MRE11: variants seen among roughly 807,000 people sequenced by gnomAD.
MRE11 encodes double-strand break repair protein MRE11.
Under a neutral mutation model 91.7 loss-of-function variants are expected in MRE11, and 62 were observed. The ratio of observed to expected loss-of-function variants is 0.68; its 90% CI spans 0.55 to 0.84. The LOEUF (loss-of-function observed/expected upper bound fraction) is 0.84. MRE11 is among the 40% of genes least tolerant of loss of function. The pLI is 0.00. For synonymous variants in MRE11, 273 were observed against 271.4 expected (o/e 1.01, Z -0.06); for missense variants, 796 against 852.9 (o/e 0.93, Z 0.83).
At chr11:94,473,013 G>C (rs1946758097) in intron 7 of MRE11, 1 of 152,066 alleles carries the variant, frequency 6.6e-6, no homozygotes, top group Non-Finnish European at 1.5e-5. Flanking sequence ...AGGGTAGTCA[G>C]GAAGACCTCT....
At chr11:94,457,873 CCTCTCT>C (rs71305376) in intron 13 of MRE11, among the ~76,000 whole-genome samples, 1 of 144,328 alleles carries the variant, frequency 6.9e-6, no homozygotes, top group Non-Finnish European at 1.5e-5. Flanking sequence ...TCTCTCTCTC[CCTCTCT>C]CTCTCTCTCA....
At chr11:94,493,046 T>C in intron 1 of MRE11, 140 bp from the exon 2 acceptor site, 1 of 559,960 alleles carries the variant, frequency 1.8e-6, no homozygotes, top group East Asian at 2.8e-5. Flanking sequence ...AAGCACCCAC[T>C]ATACTTTTTT....
intron 5 of MRE11, among the ~76,000 whole-genome samples, chr11:94,479,234 A>G (rs1412898207): frequency 1.3e-5 from 2 of 152,224 alleles, no homozygotes; most frequent in Non-Finnish European, 2.9e-5. Flanking sequence ...TCATAATATT[A>G]ATGACCAGAT....
intron 4 of MRE11, 34 bp downstream of exon 4, chr11:94,485,890 G>A: frequency 6.3e-7 from 1 of 1,598,262 alleles, no homozygotes; most frequent in Non-Finnish European, 8.6e-7. Flanking sequence ...CCATACACAA[G>A]TAATCACTCA....
At chr11:94,433,984 C>T (rs1024253085) in intron 18 of MRE11, among the ~76,000 whole-genome samples, 4 of 152,152 alleles carry the variant, frequency 2.6e-5, no homozygotes, top group South Asian at 4.1e-4. Flanking sequence ...AGATCATTTC[C>T]TTTAATGCAT....
At chr11:94,431,866 T>TA (rs1315788625) in intron 18 of MRE11, among the ~76,000 whole-genome samples, 5 of 152,234 alleles carry the variant, frequency 3.3e-5, no homozygotes, top group Non-Finnish European at 7.4e-5. Context: ...AGCTGAAAAG[T>TA]AAACAATCTA....
upstream of MRE11, chr11:94,496,891 A>G: frequency 6.2e-7 from 1 of 1,613,884 alleles, no homozygotes; most frequent in Non-Finnish European, 8.5e-7. Context: ...ATCGATTGCA[A>G]GAAAAAAAAA....
At position 94,471,594 on chromosome 11, in the gene MRE11, G is replaced by T; in HGVS notation, c.825C>A (p.Ser275=). Reference sequence around the variant, plus strand: ...CTCACTTCTTTACAGCTTCTCCTGGGGAAAGAGAAGTAACCACTGAGCTTC... The same window carrying T: ...CTCACTTCTTTACAGCTTCTCCTGGTGAAAGAGAAGTAACCACTGAGCTTC... ...QPGSSVVTSL[S]PGEAVKKHVG... The change falls in exon 8 of 20, where the codon TCC becomes TCA. Residue 275 remains serine (S), a synonymous_variant. Coordinates refer to ENST00000323929, the MANE Select transcript of MRE11 (RefSeq NM_005591.4). The T allele has an allele frequency of 6.2e-7, 1 of 1,612,410 alleles. No homozygotes were observed. The highest frequency in any genetic ancestry group is 8.5e-7 in the Non-Finnish European group (1 of 1,178,922).
chr11:94,491,682 A>T (rs185450305), intron 2 of MRE11, among the ~76,000 whole-genome samples: 1 of 152,246 alleles, frequency 6.6e-6, no homozygotes, highest in African/African-American at 2.4e-5. Flanking sequence ...TAACTGCTTT[A>T]TCACATAACT....
At chr11:94,420,978 G>A (rs551497222) in intron 19 of MRE11, among the ~76,000 whole-genome samples, 33 of 151,788 alleles carry the variant, frequency 2.2e-4, no homozygotes, top group African/African-American at 7.5e-4. Flanking sequence ...CTTACAGTGA[G>A]CTGAGATCGT....
chr11:94,496,293 T>C (rs1174190293), upstream of MRE11, among the ~76,000 whole-genome samples: 2 of 152,220 alleles, frequency 1.3e-5, no homozygotes, highest in African/African-American at 2.4e-5. Flanking sequence ...GTATTAGTTA[T>C]ACTTCAAAAC....
the MRE11 span, among the ~76,000 whole-genome samples, chr11:94,511,922 A>T: frequency 6.6e-6 from 1 of 152,254 alleles, no homozygotes; most frequent in South Asian, 2.1e-4. Flanking sequence ...TATTTTGTGA[A>T]TACAAAAGAG....
chr11:94,463,962 GAAGAC>G, intron 11 of MRE11, 146 bp downstream of exon 11: 1 of 840,212 alleles, frequency 1.2e-6, no homozygotes. Context: ...CTAATTTTTA[GAAGAC>G]AAGAGAATTA....
intron 15 of MRE11, 131 bp from the exon 16 acceptor site, chr11:94,446,024 A>G: frequency 1.4e-6 from 1 of 698,816 alleles, no homozygotes; most frequent in Non-Finnish European, 2.6e-6. Flanking sequence ...ACATATATAT[A>G]AGAACAAACA....
chr11:94,432,780 T>G (rs1226996453), intron 18 of MRE11, among the ~76,000 whole-genome samples: 1 of 152,224 alleles, frequency 6.6e-6, no homozygotes, highest in Admixed American at 6.5e-5. Context: ...CACTCCAGCC[T>G]GGGAGACAGA....
At chr11:94,452,550 C>T (rs576384775) in intron 14 of MRE11, among the ~76,000 whole-genome samples, 32 of 152,276 alleles carry the variant, frequency 2.1e-4, no homozygotes, top group African/African-American at 6.3e-4. Context: ...ATGATTACTT[C>T]TTGGAATCAA....
chr11:94,454,481 T>C (rs767494544), intron 14 of MRE11, among the ~76,000 whole-genome samples: 1 of 152,150 alleles, frequency 6.6e-6, no homozygotes, highest in Non-Finnish European at 1.5e-5. Flanking sequence ...CTAAGCCAAA[T>C]GATTCTGCAA....
Position 94,467,967 on chromosome 11 carries a change from C to G in MRE11, c.1018-74G>C, listed in dbSNP as rs1262916407. ...ACTTGGCTGAATAGCAGCTTATTAC[C>G]ACAGGAATTTTCCTGAACTACATAA... On this transcript the variant is annotated intron_variant, in intron 9 of 19. Transcript: ENST00000323929. The G allele has an allele frequency of 4.3e-6, 5 of 1,172,916 alleles. No homozygotes were observed. In the East Asian group the frequency reaches 9.5e-5, roughly 22 times the overall value. The allele number at this position is 1,172,916 out of a possible 1,614,324, so 72.7% of individuals were successfully genotyped here. A position where few individuals can be genotyped will look rare whatever the true frequency, so the allele number is the denominator to read the frequency against.
At chr11:94,499,439 T>C in the MRE11 span, 1 of 151,952 alleles carries the variant, frequency 6.6e-6, no homozygotes, top group Non-Finnish European at 1.5e-5. Context: ...AAGGAATTAG[T>C]CTAAGAGTAA....
Sources: gnomAD v4.1 joint callset for allele counts (sites outside exome capture counted in the v4.1 genomes callset) on GRCh38, gnomAD v4.1.1 for gene constraint, MANE v1.5 for transcripts, NCBI Gene and HGNC (gene_info 2026-07-23, HGNC 2026-07-21) for gene names.